Variants in DNAJC21 observed in about 807,000 individuals in gnomAD.
DNAJC21 encodes the protein DnaJ heat shock protein family (Hsp40) member C21.
A neutral mutation model predicts 72.4 loss-of-function variants in DNAJC21; 63 were observed. The ratio of observed to expected loss-of-function variants is 0.87; its 90% CI spans 0.71 to 1.07. DNAJC21 has a LOEUF of 1.07. Among genes scored for constraint, DNAJC21 ranks in the 50% least tolerant of loss-of-function variants. The pLI is 0.00. For synonymous variants in DNAJC21, 203 were observed against 216.7 expected, an observed-to-expected ratio of 0.94 and a Z score of 0.56; for missense variants, 634 against 644.8, an observed-to-expected ratio of 0.98 and a Z score of 0.18.
In DNAJC21 at chr5:34,929,741, C is replaced by A; in HGVS notation, c.-79C>A. 1 of 704,018 alleles carries A rather than the reference C, an allele frequency of 1.4e-6. No homozygotes were observed. The highest frequency in any genetic ancestry group is 6.1e-5 in the South Asian group (1 of 16,266). The allele number at this position is 704,018 out of a possible 1,614,324, so 43.6% of individuals were successfully genotyped here. A position where few individuals can be genotyped will look rare whatever the true frequency, so the allele number is the denominator to read the frequency against. ...CCGCCGGAGAGGACTGCCAGCGCCG[C>A]CGCCGCCGCCGCTTCGGCCCGGGCC... On this transcript the variant is annotated 5_prime_UTR_variant, in exon 1 of 12. Transcript: ENST00000648817.
intron 1 of DNAJC21, among the ~76,000 whole-genome samples, chr5:34,933,333 G>A (rs896891610): frequency 6.6e-6 from 1 of 152,140 alleles, no homozygotes; most frequent in Non-Finnish European, 1.5e-5. Flanking sequence ...GCACAGTGGT[G>A]CAATCTAGGC....
chr5:34,951,376 C>T, intron 10 of DNAJC21: 1 of 985,428 alleles, frequency 1.0e-6, no homozygotes, highest in Non-Finnish European at 1.2e-6. Flanking sequence ...CACTTCATTC[C>T]ATCTGCCTGA....
At chr5:34,934,247 G>C (rs1764695377) in intron 2 of DNAJC21, among the ~76,000 whole-genome samples, 1 of 150,802 alleles carries the variant, frequency 6.6e-6, no homozygotes, top group African/African-American at 2.4e-5. Context: ...GTTTTTTTTT[G>C]AGACGCAGTT....
rs1238798890 is a variant in DNAJC21 at position 34,955,203 on chromosome 5, G to T, written c.*489G>T. 6.6e-6 allele frequency: 1 copy of T among 152,186 alleles called. No individual in the cohort carries two copies. The highest frequency in any genetic ancestry group is 1.5e-5 in the Non-Finnish European group (1 of 68,048). 9.4% of individuals were successfully genotyped at this position (152,186 alleles called of 1,614,324 possible). A position where few individuals can be genotyped will look rare whatever the true frequency, so the allele number is the denominator to read the frequency against. ...TTTTAAAAATTATTTTTAAATAACC[G>T]ATTATTGATTACTGTATTTTTTTTC... On this transcript the variant is annotated 3_prime_UTR_variant, in exon 12 of 12. Coordinates refer to ENST00000648817, the MANE Select transcript of DNAJC21 (RefSeq NM_001012339.3).
intron 7 of DNAJC21, 121 bp downstream of exon 7, chr5:34,941,304 C>T: frequency 2.3e-6 from 2 of 854,198 alleles, no homozygotes; most frequent in Non-Finnish European, 3.7e-6. Context: ...CTCAGATGAT[C>T]CTCCCATGTC....
chr5:34,949,488 T>C (rs1765282856), intron 9 of DNAJC21: 8 of 1,549,412 alleles, frequency 5.2e-6, no homozygotes, highest in South Asian at 1.2e-5. Context: ...ACAGATAATA[T>C]TAGCATTAGA....
chr5:34,943,064 G>A (rs538969542), intron 7 of DNAJC21, among the ~76,000 whole-genome samples: 2 of 151,114 alleles, frequency 1.3e-5, no homozygotes, highest in African/African-American at 4.9e-5. Context: ...GCAAAACTCC[G>A]TCTCAAAATA....
In DNAJC21 at chr5:34,935,759, T is replaced by C; in HGVS notation, c.241T>C (p.Tyr81His). The C allele has an allele frequency of 6.2e-7, 1 of 1,614,078 alleles. No homozygotes were observed. The highest frequency in any genetic ancestry group is 8.5e-7 in the Non-Finnish European group (1 of 1,179,976). Reference protein sequence around the residue: ...ALLKGGFDGEYQDDSLDLLRY... With the variant: ...ALLKGGFDGEHQDDSLDLLRY... ...ACTTAAAGGTGGGTTTGATGGCGAA[T>C]ATCAAGATGACAGCTTAGATTTGCT... Residue 81 changes from tyrosine (Y) to histidine (H), a missense_variant, in exon 3 of 12, where the codon TAT becomes CAT. Tyr to His is a moderately conservative substitution (Grantham distance 83). Transcript: ENST00000648817.
intron 1 of DNAJC21, 147 bp downstream of exon 1, chr5:34,930,063 G>A (rs914402309): frequency 4.3e-5 from 22 of 517,438 alleles, no homozygotes; most frequent in Non-Finnish European, 9.6e-6. Flanking sequence ...AGTGCCCGGA[G>A]CCGCCCTGCC....
rs1765551212 is a variant in DNAJC21, at chr5:34,956,862, A to G, written c.*2148A>G. ...ATCTAATTTCTCAGAACTTTTTCTT[A>G]TCTCTAACACAGTTATTACCATAAT... On this transcript the variant is annotated 3_prime_UTR_variant, in exon 12 of 12. Transcript: ENST00000648817. 1 of 152,168 alleles carries G rather than the reference A, an allele frequency of 6.6e-6. No individual in the cohort carries two copies. The highest frequency in any genetic ancestry group is 2.4e-5 in the African/African-American group (1 of 41,448). The allele number at this position is 152,168 out of a possible 1,614,324, so 9.4% of individuals were successfully genotyped here. A position where few individuals can be genotyped will look rare whatever the true frequency, so the allele number is the denominator to read the frequency against.
At chr5:34,945,711 A>G in intron 8 of DNAJC21, 50 bp from the exon 9 acceptor site, 1 of 1,464,942 alleles carries the variant, frequency 6.8e-7, no homozygotes, top group Non-Finnish European at 9.0e-7. Context: ...TTTTCCACTT[A>G]CTCTTCACAG....
intron 8 of DNAJC21, 38 bp downstream of exon 8, chr5:34,945,063 C>G: frequency 6.2e-7 from 1 of 1,600,376 alleles, no homozygotes; most frequent in Non-Finnish European, 8.5e-7. Flanking sequence ...AAATACTTAT[C>G]ACATTCAGAG....
intron 6 of DNAJC21, among the ~76,000 whole-genome samples, chr5:34,940,547 G>A (rs1462338004): frequency 2.6e-5 from 4 of 152,050 alleles, no homozygotes; most frequent in Non-Finnish European, 5.9e-5. Context: ...TAGTCAGTTG[G>A]TTTTTGTGGA....
rs1764893955 is a variant in DNAJC21, at chr5:34,939,013, A to G, written c.895+4A>G. 2 of 1,541,894 alleles carry G rather than the reference A, an allele frequency of 1.3e-6. No homozygotes were observed. Among genetic ancestry groups the G allele is most frequent in the Non-Finnish European group, 1.7e-6 (2 of 1,149,608 alleles). ...GAACTCAAAGATGAGGAGGATGGTA[A>G]TATTATTTTTATTTTATTTATCTTT... On this transcript the variant is annotated splice_donor_region_variant and intron_variant, in intron 6 of 11. Transcript: ENST00000648817.
At chr5:34,938,279 T>G (rs1764863588) in intron 5 of DNAJC21, among the ~76,000 whole-genome samples, 1 of 152,216 alleles carries the variant, frequency 6.6e-6, no homozygotes, top group African/African-American at 2.4e-5. Context: ...CTTATCCTCC[T>G]TGTTCTTCTG....
chr5:34,949,248 C>T (rs1431390166), intron 9 of DNAJC21, among the ~76,000 whole-genome samples: 1 of 152,104 alleles, frequency 6.6e-6, no homozygotes, highest in Admixed American at 6.5e-5. Context: ...TAACCTGAAT[C>T]TGATCATTTG....
rs1765461924 is a variant in DNAJC21, at chr5:34,954,039, T to G, written c.1434+38T>G. On this transcript the variant is annotated intron_variant, in intron 11 of 11. Coordinates refer to ENST00000648817, the MANE Select transcript of DNAJC21 (RefSeq NM_001012339.3). Reference sequence around the variant, plus strand: ...CATATTCATATCTCTTTAGCATATCTTGCTGTTTAAGCAGTATAATGATCT... The same window carrying G: ...CATATTCATATCTCTTTAGCATATCGTGCTGTTTAAGCAGTATAATGATCT... 2.6e-6 allele frequency: 4 copies of G among 1,556,616 alleles called. No individual in the cohort carries two copies. The South Asian group carries it at 3.6e-5, about 14-fold the overall frequency.
In DNAJC21 at chr5:34,957,193, A is replaced by G. The variant is rs1353010261; in HGVS notation, c.*2479A>G. On this transcript the variant is annotated 3_prime_UTR_variant, in exon 12 of 12. Coordinates refer to ENST00000648817, the MANE Select transcript of DNAJC21 (RefSeq NM_001012339.3). ...AATTTCACTTGTCTGAGGTAAAACA[A>G]TAAACTAAAATACATGGGCATGCAT... 6.6e-6 allele frequency: 1 copy of G among 152,224 alleles called. No individual in the cohort carries two copies. The highest frequency in any genetic ancestry group is 1.5e-5 in the Non-Finnish European group (1 of 68,030). 9.4% of individuals were successfully genotyped at this position (152,224 alleles called of 1,614,324 possible).
chr5:34,954,238 A>G (rs1261249305), intron 11 of DNAJC21: 1 of 467,214 alleles, frequency 2.1e-6, no homozygotes, highest in African/African-American at 2.0e-5. Flanking sequence ...ATTACTTTTC[A>G]ATCTAAAGCC....
Sources: allele counts gnomAD v4.1 joint callset (sites outside exome capture counted in the v4.1 genomes callset), GRCh38; gene constraint gnomAD v4.1.1; transcripts MANE v1.5; gene names NCBI Gene and HGNC (gene_info 2026-07-23, HGNC 2026-07-21).